The following FHIT variants were observed in gnomAD, a reference collection of about 807,000 sequenced individuals.
FHIT encodes the protein bis(5'-adenosyl)-triphosphatase.
Under a neutral mutation model 17.9 loss-of-function variants are expected in FHIT, and 19 were observed. The observed-to-expected ratio is 1.06, with a 90% confidence interval of 0.74 to 1.56. The LOEUF (loss-of-function observed/expected upper bound fraction) is 1.56. Ranked by LOEUF, FHIT falls within the 40% of genes most tolerant of loss-of-function variation. FHIT has a pLI of 0.00. For synonymous variants in FHIT, 81 were observed against 69.7 expected (o/e 1.16, Z -0.81); for missense variants, 248 against 189.2 (o/e 1.31, Z -1.82).
chr3:59,837,044 G>A (rs1160792539), intron 8 of FHIT, among the ~76,000 whole-genome samples: 1 of 152,092 alleles, frequency 6.6e-6, no homozygotes, highest in Non-Finnish European at 1.5e-5. Flanking sequence ...TTAATTTTCT[G>A]TGAGAAAAAA....
chr3:60,046,929 T>C (rs1337318173), intron 5 of FHIT, among the ~76,000 whole-genome samples: 2 of 152,192 alleles, frequency 1.3e-5, no homozygotes, highest in Non-Finnish European at 2.9e-5. Context: ...AACAAAAAGT[T>C]ATGCGATTTT....
chr3:60,857,488 G>A (rs1360064418), intron 3 of FHIT, among the ~76,000 whole-genome samples: 1 of 151,888 alleles, frequency 6.6e-6, no homozygotes, highest in Non-Finnish European at 1.5e-5. Context: ...TGGGGATAAT[G>A]ACAAAAGCTT....
chr3:60,326,807 C>T (rs962538891), intron 5 of FHIT, among the ~76,000 whole-genome samples: 2 of 152,200 alleles, frequency 1.3e-5, no homozygotes, highest in African/African-American at 4.8e-5. Context: ...TGACCCACAT[C>T]TCCCCATTGC....
intron 4 of FHIT, among the ~76,000 whole-genome samples, chr3:60,550,364 A>G (rs1395210215): frequency 3.3e-5 from 5 of 152,248 alleles, no homozygotes; most frequent in Non-Finnish European, 5.9e-5. Context: ...AGAGAAAGAG[A>G]AGACAACTTG....
At chr3:60,649,853 C>G (rs1553687771) in intron 4 of FHIT, among the ~76,000 whole-genome samples, 2 of 152,022 alleles carry the variant, frequency 1.3e-5, no homozygotes, top group African/African-American at 2.4e-5. Flanking sequence ...GGAAGGATAG[C>G]AGGGTAGCAG....
intron 4 of FHIT, among the ~76,000 whole-genome samples, chr3:60,653,140 C>T (rs1553688766): frequency 6.6e-6 from 1 of 151,958 alleles, no homozygotes; most frequent in African/African-American, 2.4e-5. Flanking sequence ...AGAAAGTCTA[C>T]CACAGAAAAG....
At chr3:61,142,390 TGA>T (rs1426005232) in intron 2 of FHIT, among the ~76,000 whole-genome samples, 1 of 151,614 alleles carries the variant, frequency 6.6e-6, no homozygotes, top group African/African-American at 2.4e-5. Context: ...GAAGTGCTGC[TGA>T]GAACTGCATG....
intron 7 of FHIT, among the ~76,000 whole-genome samples, chr3:59,926,885 TCA>T (rs368419806): frequency 2.8e-4 from 42 of 152,132 alleles, no homozygotes; most frequent in African/African-American, 9.9e-4. Flanking sequence ...GGATGTAAAA[TCA>T]CACAGTTACT....
At chr3:60,236,565 G>T (rs138426294) in intron 5 of FHIT, among the ~76,000 whole-genome samples, 69 of 152,128 alleles carry the variant, frequency 4.5e-4, no homozygotes, top group Non-Finnish European at 8.2e-4. Flanking sequence ...TTTTTCTAAT[G>T]AATTATTTAT....
intron 3 of FHIT, among the ~76,000 whole-genome samples, chr3:60,929,181 T>A (rs1286925593): frequency 1.3e-5 from 2 of 152,196 alleles, no homozygotes; most frequent in Non-Finnish European, 2.9e-5. Context: ...CTAAAAACTC[T>A]CAATAAATGA....
chr3:60,567,495 T>A (rs1398288825), intron 4 of FHIT, among the ~76,000 whole-genome samples: 1 of 152,094 alleles, frequency 6.6e-6, no homozygotes, highest in Non-Finnish European at 1.5e-5. Context: ...CCTAAAACCA[T>A]AAAAACCCTA....
intron 3 of FHIT, among the ~76,000 whole-genome samples, chr3:60,981,275 C>A (rs1404158030): frequency 6.6e-6 from 1 of 150,922 alleles, no homozygotes; most frequent in Non-Finnish European, 1.5e-5. Flanking sequence ...GCCTTTTCTC[C>A]TTCTCCCCTT....
chr3:60,215,077 T>C (rs529944197), intron 5 of FHIT, among the ~76,000 whole-genome samples: 6 of 152,108 alleles, frequency 3.9e-5, no homozygotes, highest in African/African-American at 1.4e-4. Flanking sequence ...CGATACTCAC[T>C]ACCTGGGTGA....
Position 61,158,347 on chromosome 3 carries a change from T to A in FHIT, c.-164+42270A>T, listed in dbSNP as rs544844973. On this transcript the variant is annotated intron_variant, in intron 2 of 9. Coordinates refer to ENST00000492590, the MANE Select transcript of FHIT (RefSeq NM_002012.4). ...AGGATTTATTGTCTATGCACACCTT[T>A]CAGAGGGCTTCCTGAAACACAACTA... Among the ~76,000 whole-genome samples, 10 of 152,320 alleles carry A rather than the reference T, an allele frequency of 6.6e-5. No homozygotes were observed. In the South Asian group the frequency reaches 2.1e-3, roughly 32 times the overall value.
chr3:60,993,157 A>C (rs1290632531), intron 3 of FHIT, among the ~76,000 whole-genome samples: 2 of 152,246 alleles, frequency 1.3e-5, no homozygotes, highest in Non-Finnish European at 2.9e-5. Context: ...CATCTATCTC[A>C]GTGAAAAATG....
At chr3:60,855,541 A>G (rs556177493) in intron 3 of FHIT, among the ~76,000 whole-genome samples, 3 of 152,214 alleles carry the variant, frequency 2.0e-5, no homozygotes, top group Admixed American at 1.3e-4. Flanking sequence ...TGAGTTGCCA[A>G]ACTAACCCTG....
At chr3:60,677,853 G>A (rs1208140751) in intron 4 of FHIT, among the ~76,000 whole-genome samples, 1 of 152,012 alleles carries the variant, frequency 6.6e-6, no homozygotes, top group Non-Finnish European at 1.5e-5. Flanking sequence ...ATTCATTATT[G>A]GTCTGTTTAA....
intron 5 of FHIT, among the ~76,000 whole-genome samples, chr3:60,160,562 G>A (rs1031246410): frequency 4.6e-5 from 7 of 152,176 alleles, no homozygotes; most frequent in African/African-American, 1.7e-4. Context: ...TCAAGCTGGA[G>A]CCCTTAGTTG....
At chr3:60,649,434 T>C (rs1207135528) in intron 4 of FHIT, among the ~76,000 whole-genome samples, 1 of 152,124 alleles carries the variant, frequency 6.6e-6, no homozygotes, top group Non-Finnish European at 1.5e-5. Flanking sequence ...AATTCTTCAT[T>C]GCAGCATTGC....
Sources: gnomAD v4.1 joint callset for allele counts (sites outside exome capture counted in the v4.1 genomes callset) on GRCh38, gnomAD v4.1.1 for gene constraint, MANE v1.5 for transcripts, NCBI Gene and HGNC (gene_info 2026-07-23, HGNC 2026-07-21) for gene names.